ARHGAP21: variants seen among roughly 807,000 people sequenced by gnomAD.
The protein encoded by ARHGAP21 is Rho GTPase activating protein 21, also known as rho GTPase-activating protein 21.
Under a neutral mutation model 164.6 loss-of-function variants are expected in ARHGAP21, and 38 were observed. The observed-to-expected ratio is 0.23, with a 90% CI of 0.18 to 0.30. The LOEUF (loss-of-function observed/expected upper bound fraction) is 0.30. Among genes scored for constraint, ARHGAP21 ranks in the 10% least tolerant of loss-of-function variants. ARHGAP21 has a pLI of 1.00. For synonymous variants in ARHGAP21, 766 were observed against 857.9 expected, an observed-to-expected ratio of 0.89 and a Z score of 1.87; for missense variants, 1,822 against 2,370.7, an observed-to-expected ratio of 0.77 and a Z score of 4.81.
At chr10:24,714,934 G>A (rs1332183186) in intron 2 of ARHGAP21, among the ~76,000 whole-genome samples, 1 of 151,546 alleles carries the variant, frequency 6.6e-6, no homozygotes, top group Non-Finnish European at 1.5e-5. Flanking sequence ...GGAGGCTGAG[G>A]CAGGAGAAAG....
At chr10:24,677,476 A>G (rs992752956) in intron 2 of ARHGAP21, among the ~76,000 whole-genome samples, 10 of 152,262 alleles carry the variant, frequency 6.6e-5, no homozygotes, top group African/African-American at 2.4e-4. Context: ...TTTCCTCCCT[A>G]TTCTTAGCTA....
chr10:24,591,112 A>T, intron 24 of ARHGAP21, 113 bp downstream of exon 24: 1 of 1,056,674 alleles, frequency 9.5e-7, no homozygotes, highest in Non-Finnish European at 1.4e-6. Context: ...AGTAGAAAGG[A>T]AGAGAAAAAG....
At position 24,585,949 on chromosome 10, in the gene ARHGAP21, A is replaced by C. The variant is rs370970328; in HGVS notation, c.4340T>G (p.Val1447Gly). 1.2e-5 allele frequency: 19 copies of C among 1,613,948 alleles called. No individual in the cohort carries two copies. In the African/African-American group the frequency reaches 1.7e-4, roughly 15 times the overall value. ...TTTAGTATCATTGTGACACTGTTCC[A>C]CATTTTCTTTCTTAAAAAATACATT... is the stretch of plus-strand genomic sequence containing the variant. ...LDNVFFKKEN[V>G]EQCHNDTKEE... Residue 1447 changes from valine (V) to glycine (G), a missense_variant, in exon 26 of 26, where the codon GTG (valine) becomes GGG (glycine). Physicochemically the swap from Val to Gly is moderately radical, Grantham distance 109. Coordinates refer to ENST00000396432, the MANE Select transcript of ARHGAP21 (RefSeq NM_020824.4).
At chr10:24,588,693 G>A (rs922090579) in intron 25 of ARHGAP21, among the ~76,000 whole-genome samples, 4 of 152,110 alleles carry the variant, frequency 2.6e-5, no homozygotes, top group African/African-American at 9.7e-5. Context: ...AACTATAAAT[G>A]TCCCACAAAC....
At chr10:24,706,234 T>A (rs1183446982) in intron 2 of ARHGAP21, among the ~76,000 whole-genome samples, 4 of 152,234 alleles carry the variant, frequency 2.6e-5, no homozygotes, top group Admixed American at 6.5e-5. Flanking sequence ...TGGCCACTTT[T>A]AAGTAATTCA....
intron 19 of ARHGAP21, among the ~76,000 whole-genome samples, chr10:24,595,516 T>G (rs370784751): frequency 1.6e-4 from 24 of 152,336 alleles, no homozygotes; most frequent in African/African-American, 5.8e-4. Flanking sequence ...TTAATTTGGC[T>G]GCAAACATGT....
chr10:24,694,688 T>C (rs760606367), intron 2 of ARHGAP21, among the ~76,000 whole-genome samples: 18 of 152,228 alleles, frequency 1.2e-4, no homozygotes, highest in Non-Finnish European at 2.2e-4. Context: ...ACTTTGCTTT[T>C]GTATTCTTTC....
Position 24,604,320 on chromosome 10 carries a change from C to T in ARHGAP21, c.2713G>A (p.Gly905Arg). The T allele has an allele frequency of 1.3e-6, 2 of 1,587,684 alleles. No individual in the cohort carries two copies. The highest frequency in any genetic ancestry group is 1.7e-5 in the Admixed American group (1 of 57,512). Residue 905 changes from glycine (G) to arginine (R), a missense_variant, in exon 12 of 26, where the codon GGA becomes AGA. By Grantham distance (125) the Gly-to-Arg change is moderately radical (BLOSUM62 -2). Coordinates refer to ENST00000396432, the MANE Select transcript of ARHGAP21 (RefSeq NM_020824.4). ...AACACTCTAATACCAACCTTGATTC[C>T]CTTCAGACTAGATACGTGCTTAAAG... Reference protein sequence around the residue: ...LSFKHVSSLKGIKIADSQKSS... With the variant: ...LSFKHVSSLKRIKIADSQKSS...
intron 2 of ARHGAP21, among the ~76,000 whole-genome samples, chr10:24,685,572 C>T (rs1842138045): frequency 6.6e-6 from 1 of 152,000 alleles, no homozygotes; most frequent in Non-Finnish European, 1.5e-5. Context: ...AATATAATAC[C>T]GTATTGATAG....
At chr10:24,713,795 T>C (rs578097383) in intron 2 of ARHGAP21, among the ~76,000 whole-genome samples, 3 of 152,150 alleles carry the variant, frequency 2.0e-5, no homozygotes, top group Non-Finnish European at 4.4e-5. Flanking sequence ...CTCAAACCTA[T>C]AGTACAATAT....
At chr10:24,715,594 C>G (rs1038340384) in intron 2 of ARHGAP21, among the ~76,000 whole-genome samples, 2 of 151,814 alleles carry the variant, frequency 1.3e-5, no homozygotes, top group African/African-American at 4.8e-5. Flanking sequence ...AAAAAAGGTG[C>G]AAAGAAAAAA....
chr10:24,674,525 C>G (rs1327559445), intron 2 of ARHGAP21, among the ~76,000 whole-genome samples: 1 of 151,108 alleles, frequency 6.6e-6, no homozygotes, highest in Non-Finnish European at 1.5e-5. Context: ...TGTCTCAAAA[C>G]AAACAAACAA....
chr10:24,618,339 C>T (rs1403374951), intron 9 of ARHGAP21, among the ~76,000 whole-genome samples: 1 of 152,146 alleles, frequency 6.6e-6, no homozygotes, highest in Admixed American at 6.5e-5. Flanking sequence ...TTTTAAATCT[C>T]TGCTCTCATG....
chr10:24,648,927 C>T (rs1276810283), intron 4 of ARHGAP21: 1 of 885,304 alleles, frequency 1.1e-6, no homozygotes, highest in Non-Finnish European at 1.4e-6. Flanking sequence ...CATATTTTCC[C>T]ACCTGTCCAC....
At chr10:24,699,526 T>C (rs1843460286) in intron 2 of ARHGAP21, among the ~76,000 whole-genome samples, 1 of 152,054 alleles carries the variant, frequency 6.6e-6, no homozygotes, top group South Asian at 2.1e-4. Flanking sequence ...GGTTTCACCA[T>C]GTTGGCCAGG....
chr10:24,701,953 G>A (rs1032446099), intron 2 of ARHGAP21, among the ~76,000 whole-genome samples: 3 of 152,080 alleles, frequency 2.0e-5, no homozygotes, highest in African/African-American at 7.2e-5. Context: ...CATTGGACTT[G>A]AAGGAAACCA....
intron 2 of ARHGAP21, among the ~76,000 whole-genome samples, chr10:24,709,032 A>G (rs79884634): frequency 0.17 from 25,736 of 152,172 alleles, 2,654 homozygotes; most frequent in Non-Finnish European, 0.23. Context: ...AACAAAGAAA[A>G]GAGAGAAGAC....
Position 24,600,910 on chromosome 10 carries a change from C to T in ARHGAP21, c.2868G>A (p.Arg956=), listed in dbSNP as rs138635620. 1.1e-4 allele frequency: 177 copies of T among 1,610,580 alleles called. No homozygotes were observed. Among genetic ancestry groups the T allele is most frequent in the Non-Finnish European group, 1.4e-5 (17 of 1,177,292 alleles). Reference sequence around the variant, plus strand: ...GGACAACATACATCTGTTTCCATGGCCGAATACTTCCACCAACTCGCTAGA... The same window carrying T: ...GGACAACATACATCTGTTTCCATGGTCGAATACTTCCACCAACTCGCTAGA... ...DKGKRVGGSI[R]PWKQMYVVLR... is the part of the protein sequence containing the mutation. The change falls in exon 14 of 26, where the codon CGG becomes CGA. Residue 956 remains arginine (R), a synonymous_variant. Transcript: ENST00000396432.
chr10:24,595,216 TTTATC>T (rs1247769304), intron 19 of ARHGAP21, 26 bp from the exon 20 acceptor site: 5 of 1,580,140 alleles, frequency 3.2e-6, no homozygotes, highest in South Asian at 1.1e-5. Flanking sequence ...ATAAAACAAA[TTTATC>T]TTAAATTGCC....
Sources: allele counts gnomAD v4.1 joint callset (sites outside exome capture counted in the v4.1 genomes callset), GRCh38; gene constraint gnomAD v4.1.1; transcripts MANE v1.5; gene names NCBI Gene and HGNC (gene_info 2026-07-23, HGNC 2026-07-21).